Variants in IPO7 observed in about 807,000 individuals in gnomAD.
IPO7 encodes importin-7.
IPO7 carries 13 observed loss-of-function variants against 136.4 expected under a neutral mutation model. The observed-to-expected ratio is 0.10, with a 90% CI of 0.06 to 0.15. The LOEUF (loss-of-function observed/expected upper bound fraction) is 0.15. Among genes scored for constraint, IPO7 ranks in the 10% least tolerant of loss-of-function variants. The probability of loss-of-function intolerance (pLI) is 1.00; values close to 1 mark genes in which losing one functional copy is unlikely to be tolerated. For missense variants in IPO7, 857 were observed against 1,240.6 expected, an observed-to-expected ratio of 0.69 and a Z score of 4.65; for synonymous variants, 403 against 404.4, an observed-to-expected ratio of 1.00 and a Z score of 0.04.
chr11:9,387,952 A>G (rs1406205856), intron 1 of IPO7, among the ~76,000 whole-genome samples: 1 of 149,830 alleles, frequency 6.7e-6, no homozygotes, highest in Non-Finnish European at 1.5e-5. Context: ...GTTCGAGACC[A>G]GCCTGACCAA....
chr11:9,439,562 G>GT (rs1021895109), intron 22 of IPO7, among the ~76,000 whole-genome samples: 5 of 151,548 alleles, frequency 3.3e-5, no homozygotes, highest in African/African-American at 1.2e-4. Context: ...ATTTATGGGG[G>GT]TTTTTTTTGT....
At chr11:9,393,114 G>A (rs1023840333) in intron 1 of IPO7, among the ~76,000 whole-genome samples, 2 of 152,162 alleles carry the variant, frequency 1.3e-5, no homozygotes, top group African/African-American at 4.8e-5. Context: ...AGTAGAAAAA[G>A]TCTAGCAGGC....
In IPO7 at chr11:9,440,435, CTTATA is replaced by C. The variant is rs748905810; in HGVS notation, c.2696-15_2696-11del. The C allele has an allele frequency of 2.3e-5, 36 of 1,580,900 alleles. No homozygotes were observed. In the Middle Eastern group the frequency reaches 6.7e-4, roughly 29 times the overall value. On this transcript the variant is annotated splice_polypyrimidine_tract_variant and intron_variant, in intron 22 of 24. Coordinates refer to ENST00000379719, the MANE Select transcript of IPO7 (RefSeq NM_006391.3). ...AAAATATGTCATTGTTATAAAAGTA[CTTATA>C]TTATGACTTGGCAGAGGAACTGGGG... is the stretch of plus-strand genomic sequence containing the variant.
At chr11:9,418,648 A>G (rs1432170822) in intron 6 of IPO7, among the ~76,000 whole-genome samples, 2 of 152,346 alleles carry the variant, frequency 1.3e-5, no homozygotes, top group East Asian at 3.9e-4. Flanking sequence ...TTTAATAGAT[A>G]TAAAATATAA....
At chr11:9,417,303 A>G (rs375865153) in intron 6 of IPO7, among the ~76,000 whole-genome samples, 155 bp downstream of exon 6, 7 of 152,216 alleles carry the variant, frequency 4.6e-5, no homozygotes, top group South Asian at 4.1e-4. Context: ...ATTTGTTTAT[A>G]TATGCATTAC....
At chr11:9,439,740 A>G (rs2133766336) in intron 22 of IPO7, among the ~76,000 whole-genome samples, 1 of 136,626 alleles carries the variant, frequency 7.3e-6, no homozygotes, top group Middle Eastern at 3.9e-3. Context: ...CACACCGGCT[A>G]ATTTTTGTAT....
At chr11:9,422,944 G>T in intron 8 of IPO7, 62 bp from the exon 9 acceptor site, 1 of 1,049,958 alleles carries the variant, frequency 9.5e-7, no homozygotes, top group Non-Finnish European at 1.4e-6. Context: ...GTTTTTACTG[G>T]CTTGTAAGTG....
intron 1 of IPO7, among the ~76,000 whole-genome samples, chr11:9,390,529 C>T (rs1854613844): frequency 6.6e-6 from 1 of 152,036 alleles, no homozygotes; most frequent in African/African-American, 2.4e-5. Context: ...ACCAGAGTAG[C>T]CTGTAGTTTA....
At chr11:9,402,260 C>T (rs2133729483) in intron 1 of IPO7, among the ~76,000 whole-genome samples, 2 of 149,426 alleles carry the variant, frequency 1.3e-5, no homozygotes, top group Middle Eastern at 7.1e-3. Context: ...ATTAGCCGGG[C>T]ATGGTGGCAC....
At chr11:9,418,645 G>T (rs767112089) in intron 6 of IPO7, among the ~76,000 whole-genome samples, 1 of 152,084 alleles carries the variant, frequency 6.6e-6, no homozygotes, top group Admixed American at 6.6e-5. Flanking sequence ...ACATTTAATA[G>T]ATATAAAATA....
intron 6 of IPO7, among the ~76,000 whole-genome samples, chr11:9,419,557 A>T (rs867012134): frequency 2.5e-4 from 31 of 125,806 alleles, no homozygotes; most frequent in African/African-American, 7.9e-4. Flanking sequence ...AAAAAAAAAA[A>T]AAATATATAT....
intron 2 of IPO7, among the ~76,000 whole-genome samples, chr11:9,405,513 C>G (rs933223252): frequency 2.0e-5 from 3 of 152,018 alleles, no homozygotes; most frequent in African/African-American, 7.2e-5. Flanking sequence ...AACTCTGCCT[C>G]CCAGGCTCAA....
At chr11:9,430,062 G>A (rs993500283) in intron 15 of IPO7, among the ~76,000 whole-genome samples, 3 of 152,118 alleles carry the variant, frequency 2.0e-5, no homozygotes, top group African/African-American at 7.2e-5. Context: ...TAAGGGGTGT[G>A]CAACCTAGAT....
chr11:9,393,733 G>A (rs918420101), intron 1 of IPO7, among the ~76,000 whole-genome samples: 5 of 151,930 alleles, frequency 3.3e-5, no homozygotes, highest in African/African-American at 1.2e-4. Flanking sequence ...CAAAGAGCAT[G>A]AATTACTTTT....
intron 2 of IPO7, among the ~76,000 whole-genome samples, chr11:9,405,409 C>T (rs549046001): frequency 1.3e-5 from 2 of 152,206 alleles, no homozygotes; most frequent in South Asian, 4.2e-4. Context: ...CTCCTGACCT[C>T]GTGATCTGCC....
At chr11:9,414,033 G>C (rs1359160542) in intron 4 of IPO7, among the ~76,000 whole-genome samples, 2 of 151,902 alleles carry the variant, frequency 1.3e-5, no homozygotes, top group East Asian at 3.9e-4. Flanking sequence ...GTGCCTTGAA[G>C]ATTATTGACC....
chr11:9,443,332 C>A (rs1358534680), intron 24 of IPO7, among the ~76,000 whole-genome samples: 2 of 152,162 alleles, frequency 1.3e-5, no homozygotes, highest in Non-Finnish European at 2.9e-5. Context: ...GTGGCTCACA[C>A]CTGTAATCCC....
At chr11:9,423,966 T>G in intron 10 of IPO7, 90 bp downstream of exon 10, 1 of 691,198 alleles carries the variant, frequency 1.4e-6, no homozygotes, top group South Asian at 1.8e-5. Context: ...GTATTATGTA[T>G]CTTCTTTGTT....
chr11:9,408,416 T>C (rs1854918269), intron 2 of IPO7, 70 bp from the exon 3 acceptor site: 2 of 962,460 alleles, frequency 2.1e-6, no homozygotes, highest in South Asian at 2.6e-5. Flanking sequence ...ACTTGAGGTA[T>C]GGACACTTGT....
Sources: gnomAD v4.1 joint callset for allele counts (sites outside exome capture counted in the v4.1 genomes callset) on GRCh38, gnomAD v4.1.1 for gene constraint, MANE v1.5 for transcripts, NCBI Gene and HGNC (gene_info 2026-07-23, HGNC 2026-07-21) for gene names.